Variants in ST8SIA4 observed in about 807,000 individuals in gnomAD.
ST8SIA4 encodes CMP-N-acetylneuraminate-poly-alpha-2,8-sialyltransferase.
In ST8SIA4, 15 loss-of-function variants were observed where a neutral mutation model predicts 33.9. That is an observed-to-expected ratio of 0.44 (90% CI 0.30 to 0.68). ST8SIA4 has a LOEUF of 0.68. Among genes scored for constraint, ST8SIA4 ranks in the 30% least tolerant of loss-of-function variants. The pLI is 0.10. For synonymous variants in ST8SIA4, 171 were observed against 151.2 expected (o/e 1.13, Z -0.96); for missense variants, 321 against 428.0 (o/e 0.75, Z 2.21).
At chr5:100,814,461 G>A (rs3909453) in intron 4 of ST8SIA4, among the ~76,000 whole-genome samples, 43,508 of 151,670 alleles carry the variant, frequency 0.29, 6,540 homozygotes, top group Non-Finnish European at 0.33. Context: ...AAAATATACC[G>A]TCAATATTTC....
intron 3 of ST8SIA4, among the ~76,000 whole-genome samples, chr5:100,880,338 C>G (rs1338215544): frequency 1.3e-5 from 2 of 152,100 alleles, no homozygotes; most frequent in Non-Finnish European, 2.9e-5. Context: ...GAGATAGTGA[C>G]AGATGGTGAC....
intron 3 of ST8SIA4, among the ~76,000 whole-genome samples, chr5:100,881,109 G>A (rs1312158702): frequency 2.0e-5 from 3 of 152,214 alleles, no homozygotes; most frequent in African/African-American, 7.2e-5. Flanking sequence ...TTCACCAACA[G>A]TGGGAGGTAG....
intron 3 of ST8SIA4, among the ~76,000 whole-genome samples, chr5:100,868,976 A>G (rs1337956307): frequency 6.6e-6 from 1 of 152,090 alleles, no homozygotes; most frequent in Admixed American, 6.5e-5. Flanking sequence ...CATAATAATA[A>G]TGAGAGCTTA....
chr5:100,845,211 A>G (rs1580459218), intron 4 of ST8SIA4, among the ~76,000 whole-genome samples: 1 of 152,098 alleles, frequency 6.6e-6, no homozygotes, highest in East Asian at 1.9e-4. Flanking sequence ...CACTCAAGCT[A>G]AAGTACACTT....
intron 4 of ST8SIA4, among the ~76,000 whole-genome samples, chr5:100,827,815 C>T (rs921233018): frequency 2.6e-5 from 4 of 152,158 alleles, no homozygotes; most frequent in African/African-American, 9.7e-5. Context: ...CCCTAAATAG[C>T]ACTGACATTC....
intron 4 of ST8SIA4, among the ~76,000 whole-genome samples, chr5:100,833,962 C>A (rs1431345407): frequency 6.6e-6 from 1 of 152,040 alleles, no homozygotes; most frequent in Non-Finnish European, 1.5e-5. Context: ...CCAGATATAG[C>A]AAAATGCCTG....
chr5:100,832,716 G>A (rs1204797599), intron 4 of ST8SIA4, among the ~76,000 whole-genome samples: 2 of 151,644 alleles, frequency 1.3e-5, no homozygotes, highest in Non-Finnish European at 2.9e-5. Flanking sequence ...GTTCTTATAG[G>A]CTCCTGTTAC....
intron 4 of ST8SIA4, among the ~76,000 whole-genome samples, chr5:100,852,824 G>A (rs1751733870): frequency 6.6e-6 from 1 of 152,160 alleles, no homozygotes; most frequent in African/African-American, 2.4e-5. Context: ...TTTTTGGAGG[G>A]CAAAATGTTT....
At chr5:100,858,286 A>C (rs2112442459) in intron 3 of ST8SIA4, among the ~76,000 whole-genome samples, 1 of 152,182 alleles carries the variant, frequency 6.6e-6, no homozygotes, top group South Asian at 2.1e-4. Flanking sequence ...GTAACATTAC[A>C]GTTAACATGT....
At chr5:100,861,958 T>G (rs910285757) in intron 3 of ST8SIA4, among the ~76,000 whole-genome samples, 21 of 152,238 alleles carry the variant, frequency 1.4e-4, no homozygotes, top group Non-Finnish European at 2.9e-5. Flanking sequence ...CTAATTCCTT[T>G]TACATGCTCT....
intron 3 of ST8SIA4, among the ~76,000 whole-genome samples, chr5:100,857,808 C>A (rs1267535502): frequency 6.6e-6 from 1 of 151,916 alleles, no homozygotes. Context: ...AAATATATTT[C>A]ATCTCAAATT....
intron 4 of ST8SIA4, among the ~76,000 whole-genome samples, chr5:100,841,993 CA>C (rs2112424760): frequency 6.6e-6 from 1 of 151,780 alleles, no homozygotes; most frequent in African/African-American, 2.4e-5. Context: ...AGACCTAGCG[CA>C]GTATAGCAAT....
At position 100,837,574 on chromosome 5, in the gene ST8SIA4, C is replaced by T. The variant is rs117046883; in HGVS notation, c.797+18529G>A. Among the ~76,000 whole-genome samples the T allele has an allele frequency of 1.1e-3, 174 of 152,130 alleles. 4 individuals are homozygous for T. The East Asian group carries it at 0.031, about 27-fold the overall frequency. On this transcript the variant is annotated intron_variant, in intron 4 of 4. Transcript: ENST00000231461. Reference sequence around the variant, plus strand: ...TCTGATGTGCTAGAGCTGGCCCTTACTGATCCACAGAGCCACAGTGAATTT... The same window carrying T: ...TCTGATGTGCTAGAGCTGGCCCTTATTGATCCACAGAGCCACAGTGAATTT...
chr5:100,812,223 G>T (rs750481367), intron 4 of ST8SIA4, 94 bp from the exon 5 acceptor site: 1 of 951,618 alleles, frequency 1.1e-6, no homozygotes, highest in Non-Finnish European at 1.5e-6. Context: ...AACTTAAAAG[G>T]TATCTTTATG....
At chr5:100,816,391 G>T (rs1580446372) in intron 4 of ST8SIA4, 2 of 444,822 alleles carry the variant, frequency 4.5e-6, no homozygotes, top group African/African-American at 4.3e-5. Context: ...TAACAACGTT[G>T]ATACTAAGGA....
Position 100,807,894 on chromosome 5 carries a change from A to C in ST8SIA4, c.*3953T>G, listed in dbSNP as rs574630257. On this transcript the variant is annotated 3_prime_UTR_variant, in exon 5 of 5. Transcript: ENST00000231461. ...GTATATCTATAGCACATATATAATA[A>C]AATATCTATTTCTAGGTGGGCTTTA... 1.3e-4 allele frequency: 20 copies of C among 152,668 alleles called. No individual in the cohort carries two copies. Among genetic ancestry groups the C allele is most frequent in the Non-Finnish European group, 2.2e-4 (15 of 67,946 alleles). The allele number at this position is 152,668 out of a possible 1,614,324, so 9.5% of individuals were successfully genotyped here.
intron 4 of ST8SIA4, chr5:100,849,207 A>T: frequency 1.0e-6 from 1 of 985,342 alleles, no homozygotes; most frequent in Admixed American, 6.1e-5. Context: ...GTAAGGACAA[A>T]GTTCAGAACC....
intron 3 of ST8SIA4, among the ~76,000 whole-genome samples, chr5:100,871,255 A>G (rs534138043): frequency 6.6e-6 from 1 of 152,214 alleles, no homozygotes; most frequent in East Asian, 1.9e-4. Flanking sequence ...TCTGTAAATT[A>G]TCTACCAGTG....
intron 3 of ST8SIA4, among the ~76,000 whole-genome samples, chr5:100,858,894 G>T (rs1213382953): frequency 6.6e-6 from 1 of 151,986 alleles, no homozygotes; most frequent in African/African-American, 2.4e-5. Flanking sequence ...CAAGACAGAA[G>T]ACACTTCATA....
Sources: allele counts gnomAD v4.1 joint callset (sites outside exome capture counted in the v4.1 genomes callset), GRCh38; gene constraint gnomAD v4.1.1; transcripts MANE v1.5; gene names NCBI Gene and HGNC (gene_info 2026-07-23, HGNC 2026-07-21).